The following TBC1D22A variants were observed in gnomAD, a reference collection of about 807,000 sequenced individuals.
The protein encoded by TBC1D22A is TBC1 domain family member 22A, also known as putative GTPase activator.
In TBC1D22A, 38 loss-of-function variants were observed where a neutral mutation model predicts 60.2. The observed-to-expected ratio is 0.63, with a 90% CI of 0.49 to 0.83. TBC1D22A has a LOEUF of 0.83. Ranked by LOEUF, TBC1D22A falls within the 40% of genes least tolerant of loss-of-function variation. The pLI, the probability that TBC1D22A is intolerant of heterozygous loss-of-function variation, is 0.00. For missense variants in TBC1D22A, 628 were observed against 701.0 expected, an observed-to-expected ratio of 0.90 and a Z score of 1.18; for synonymous variants, 302 against 281.7, an observed-to-expected ratio of 1.07 and a Z score of -0.72.
At chr22:46,967,977 T>C (rs11913821) in intron 8 of TBC1D22A, among the ~76,000 whole-genome samples, 7,625 of 151,802 alleles carry the variant, frequency 0.05, 585 homozygotes, top group African/African-American at 0.17. Flanking sequence ...AGTCCTCTAC[T>C]CCAGTTCCAG....
intron 11 of TBC1D22A, among the ~76,000 whole-genome samples, chr22:47,086,463 CA>C: frequency 6.7e-6 from 1 of 149,424 alleles, no homozygotes; most frequent in Non-Finnish European, 1.5e-5. Context: ...CTCAAACAAA[CA>C]AACAAACAAA....
intron 8 of TBC1D22A, among the ~76,000 whole-genome samples, chr22:46,947,921 A>G (rs1485240759): frequency 2.0e-5 from 3 of 152,178 alleles, no homozygotes; most frequent in Non-Finnish European, 4.4e-5. Flanking sequence ...ATCAAGAGAG[A>G]TTCAGAAAAA....
At chr22:46,835,089 G>T (rs1210608757) in intron 4 of TBC1D22A, among the ~76,000 whole-genome samples, 1 of 152,166 alleles carries the variant, frequency 6.6e-6, no homozygotes. Context: ...AATAGGAAAG[G>T]TCTGAGAGGC....
At chr22:47,138,725 C>T (rs896341444) in intron 12 of TBC1D22A, among the ~76,000 whole-genome samples, 9 of 152,230 alleles carry the variant, frequency 5.9e-5, no homozygotes, top group Non-Finnish European at 1.3e-4. Context: ...TCATTTATTT[C>T]TCAGATCTAG....
chr22:47,155,780 T>G (rs2067691230), intron 12 of TBC1D22A, among the ~76,000 whole-genome samples: 1 of 151,456 alleles, frequency 6.6e-6, no homozygotes, highest in East Asian at 1.9e-4. Flanking sequence ...TCAGGGGCGG[T>G]GGTGCGGACG....
intron 1 of TBC1D22A, among the ~76,000 whole-genome samples, chr22:46,780,538 A>G (rs1447270668): frequency 6.6e-6 from 1 of 152,200 alleles, no homozygotes. Flanking sequence ...ATTCTGCAGG[A>G]TCTGCCAGGG....
intron 10 of TBC1D22A, among the ~76,000 whole-genome samples, chr22:47,001,299 C>T (rs200073162): frequency 3.7e-5 from 5 of 133,898 alleles, no homozygotes; most frequent in Admixed American, 7.5e-5. Flanking sequence ...TTCTTTCTTT[C>T]TTTTTTTTTT....
intron 7 of TBC1D22A, among the ~76,000 whole-genome samples, chr22:46,911,234 G>A (rs1358154823): frequency 6.6e-6 from 1 of 152,052 alleles, no homozygotes; most frequent in Non-Finnish European, 1.5e-5. Flanking sequence ...GAGGGAGGAG[G>A]CCGGAATGAC....
At chr22:47,052,085 C>G (rs1052694144) in intron 11 of TBC1D22A, among the ~76,000 whole-genome samples, 6 of 152,190 alleles carry the variant, frequency 3.9e-5, no homozygotes, top group Non-Finnish European at 8.8e-5. Context: ...CTCCTGCCCC[C>G]AGCAAGGTGT....
intron 10 of TBC1D22A, among the ~76,000 whole-genome samples, chr22:46,999,729 A>T (rs898258347): frequency 6.6e-6 from 1 of 152,228 alleles, no homozygotes; most frequent in Non-Finnish European, 1.5e-5. Context: ...GCTTAAAGAA[A>T]AAAAAAGCTT....
chr22:46,995,513 T>TTG (rs560356769), intron 9 of TBC1D22A, among the ~76,000 whole-genome samples: 12,167 of 151,136 alleles, frequency 0.081, 1,001 homozygotes, highest in African/African-American at 0.21. Flanking sequence ...TGCACGCACT[T>TTG]TGTGTGTGTG....
At chr22:47,090,490 A>G (rs781722947) in intron 11 of TBC1D22A, among the ~76,000 whole-genome samples, 1 of 152,224 alleles carries the variant, frequency 6.6e-6, no homozygotes, top group African/African-American at 2.4e-5. Flanking sequence ...CGCAACATGC[A>G]TGCCCTTTAC....
intron 1 of TBC1D22A, among the ~76,000 whole-genome samples, chr22:46,786,142 C>T (rs1198345869): frequency 6.6e-6 from 1 of 152,192 alleles, no homozygotes. Flanking sequence ...GTGATGTTAA[C>T]TATGAGTTTT....
At chr22:46,894,076 C>T (rs906051324) in intron 6 of TBC1D22A, among the ~76,000 whole-genome samples, 1 of 152,198 alleles carries the variant, frequency 6.6e-6, no homozygotes, top group Non-Finnish European at 1.5e-5. Flanking sequence ...TTAAAATGTG[C>T]CTGTCTTCCC....
At chr22:46,957,757 G>T (rs2073283027) in intron 8 of TBC1D22A, among the ~76,000 whole-genome samples, 1 of 152,242 alleles carries the variant, frequency 6.6e-6, no homozygotes, top group Non-Finnish European at 1.5e-5. Context: ...GAGAGGTGAG[G>T]CTGTGCCTGG....
chr22:47,147,848 C>T lies in TBC1D22A; in HGVS notation c.1426-25650C>T, dbSNP rs1017586811. 1.3e-4 allele frequency among the ~76,000 whole-genome samples: 20 copies of T among 152,202 alleles called. 1 individual carries two copies. Among genetic ancestry groups the T allele is most frequent in the Non-Finnish European group, 2.6e-4 (18 of 68,030 alleles). Reference sequence around the variant, plus strand: ...CAGAGCCAGCGGGGAGCTAGGCTGTCGGTCCTGGGCAGAGGCCGGAGGCCC... The same window carrying T: ...CAGAGCCAGCGGGGAGCTAGGCTGTTGGTCCTGGGCAGAGGCCGGAGGCCC... On this transcript the variant is annotated intron_variant, in intron 12 of 12. Transcript: ENST00000337137.
At chr22:47,080,064 T>G (rs1342110950) in intron 11 of TBC1D22A, among the ~76,000 whole-genome samples, 2 of 152,214 alleles carry the variant, frequency 1.3e-5, no homozygotes, top group Non-Finnish European at 2.9e-5. Flanking sequence ...TGATAAAAGA[T>G]CTGTTAACCA....
At chr22:46,982,699 G>A (rs970110086) in intron 9 of TBC1D22A, among the ~76,000 whole-genome samples, 1 of 152,172 alleles carries the variant, frequency 6.6e-6, no homozygotes, top group Admixed American at 6.5e-5. Context: ...CTGCCCTGAG[G>A]GACGTCTAAG....
intron 4 of TBC1D22A, among the ~76,000 whole-genome samples, chr22:46,826,883 C>T (rs950053796): frequency 2.0e-5 from 3 of 151,964 alleles, no homozygotes; most frequent in Admixed American, 6.6e-5. Context: ...TCCTGGCTTG[C>T]AGTCAGCACT....
Sources: allele counts gnomAD v4.1 joint callset (sites outside exome capture counted in the v4.1 genomes callset), GRCh38; gene constraint gnomAD v4.1.1; transcripts MANE v1.5; gene names NCBI Gene and HGNC (gene_info 2026-07-23, HGNC 2026-07-21).